The following PTCD2 variants were observed in gnomAD, a reference collection of about 807,000 sequenced individuals.
PTCD2 encodes pentatricopeptide repeat-containing protein 2, mitochondrial.
PTCD2 carries 31 observed loss-of-function variants against 42.6 expected under a neutral mutation model. The observed-to-expected ratio is 0.73, with a 90% CI of 0.55 to 0.98. The LOEUF is 0.98. Among genes scored for constraint, PTCD2 ranks in the 50% least tolerant of loss-of-function variants. The pLI, the probability that PTCD2 is intolerant of heterozygous loss-of-function variation, is 0.00. For missense variants in PTCD2, 476 were observed against 454.8 expected, an observed-to-expected ratio of 1.05 and a Z score of -0.42; for synonymous variants, 183 against 170.9, an observed-to-expected ratio of 1.07 and a Z score of -0.55.
intron 1 of PTCD2, chr5:72,320,796 A>G (rs1405070188): frequency 2.6e-6 from 1 of 384,490 alleles, no homozygotes; most frequent in African/African-American, 2.1e-5. Context: ...GCCTTGGGTG[A>G]CTTTTATTTA....
At position 72,320,421 on chromosome 5, in the gene PTCD2, G is replaced by C. The variant is rs778287718; in HGVS notation, c.39G>C (p.Ser13=). The change falls in exon 1 of 10, where the codon TCG becomes TCC. Residue 13 remains serine, a synonymous_variant. Coordinates refer to ENST00000380639, the MANE Select transcript of PTCD2 (RefSeq NM_024754.5). ...RDSMAAAFRP[S]NRVLLQALQI... ...GTATGGCTGCTGCATTTCGGCCCTCGAATCGAGTTCTCCTGCAGGCGCTGC... is the reference window on the plus strand; with the variant it reads ...GTATGGCTGCTGCATTTCGGCCCTCCAATCGAGTTCTCCTGCAGGCGCTGC... The C allele has an allele frequency of 6.2e-5, 100 of 1,614,016 alleles. No individual in the cohort carries two copies. The highest frequency in any genetic ancestry group is 8.2e-5 in the Non-Finnish European group (97 of 1,180,044).
chr5:72,343,395 A>C (rs1752176010), intron 8 of PTCD2, among the ~76,000 whole-genome samples: 1 of 152,270 alleles, frequency 6.6e-6, no homozygotes, highest in African/African-American at 2.4e-5. Flanking sequence ...AAGCCTTGAG[A>C]GAAACCCATG....
At chr5:72,322,642 A>C (rs918018589) in intron 2 of PTCD2, among the ~76,000 whole-genome samples, 4 of 152,202 alleles carry the variant, frequency 2.6e-5, no homozygotes, top group African/African-American at 4.8e-5. Context: ...AAGTTTAAAA[A>C]CTTCAGATGA....
chr5:72,351,234 A>G (rs977706051), intron 8 of PTCD2, among the ~76,000 whole-genome samples: 11 of 151,962 alleles, frequency 7.2e-5, no homozygotes, highest in African/African-American at 2.7e-4. Flanking sequence ...TTGGGGGGAG[A>G]TGTGTTCTTT....
chr5:72,331,920 T>C (rs1751460085), intron 4 of PTCD2, among the ~76,000 whole-genome samples: 2 of 152,264 alleles, frequency 1.3e-5, no homozygotes, highest in South Asian at 2.1e-4. Flanking sequence ...ATTTTATTTG[T>C]TTCTCACAAT....
rs1750756255 is a variant in PTCD2 at position 72,320,478 on chromosome 5, C to T, written c.96C>T (p.Ser32=). 6.2e-7 allele frequency: 1 copy of T among 1,614,054 alleles called. No homozygotes were observed. Among genetic ancestry groups the T allele is most frequent in the Non-Finnish European group, 8.5e-7 (1 of 1,180,012 alleles). The stretch of plus-strand genomic sequence containing the variant: ...TGGTGTATCCTGGGGTGGGAGGCTC[C>T]GGCTCTGTCAGCTGCCGCTGCCCTC... ...QILVYPGVGG[S]GSVSCRCPLG... The change falls in exon 1 of 10, where the codon TCC becomes TCT. Residue 32 remains serine, a synonymous_variant. Coordinates refer to ENST00000380639, the MANE Select transcript of PTCD2 (RefSeq NM_024754.5).
chr5:72,358,144 A>G, intron 9 of PTCD2, 59 bp from the exon 10 acceptor site: 1 of 1,403,248 alleles, frequency 7.1e-7, no homozygotes, highest in Non-Finnish European at 1.0e-6. Flanking sequence ...TTAGGGTTAT[A>G]GTAAGAATAA....
chr5:72,326,446 G>T (rs978107995), intron 2 of PTCD2, among the ~76,000 whole-genome samples, 166 bp from the exon 3 acceptor site: 3 of 152,196 alleles, frequency 2.0e-5, no homozygotes, highest in African/African-American at 4.8e-5. Context: ...ATCTGCTGAT[G>T]CTGTTCTAGA....
intron 9 of PTCD2, among the ~76,000 whole-genome samples, chr5:72,357,316 A>G (rs895618366): frequency 1.3e-5 from 2 of 152,056 alleles, no homozygotes; most frequent in Non-Finnish European, 2.9e-5. Context: ...CCTTTCCTTC[A>G]CCCATTCAAA....
At chr5:72,342,910 A>G (rs1752147795) in intron 7 of PTCD2, 52 bp from the exon 8 acceptor site, 4 of 1,155,406 alleles carry the variant, frequency 3.5e-6, no homozygotes, top group Admixed American at 2.0e-5. Flanking sequence ...GATCTTTTAC[A>G]ATAACATTAG....
At chr5:72,351,208 T>C (rs539317232) in intron 8 of PTCD2, among the ~76,000 whole-genome samples, 29 of 152,332 alleles carry the variant, frequency 1.9e-4, no homozygotes, top group Admixed American at 5.9e-4. Context: ...TGAATTATAC[T>C]AGTAAATATT....
At chr5:72,341,859 G>T (rs190577719) in intron 7 of PTCD2, among the ~76,000 whole-genome samples, 1 of 151,950 alleles carries the variant, frequency 6.6e-6, no homozygotes, top group East Asian at 1.9e-4. Context: ...TGACTAACAC[G>T]GTAAAACCCT....
chr5:72,331,450 T>C, intron 4 of PTCD2, 75 bp downstream of exon 4: 1 of 1,031,370 alleles, frequency 9.7e-7, no homozygotes, highest in Middle Eastern at 2.0e-4. Context: ...GTCTTCTATG[T>C]ACATTATTCC....
rs377748028 is a variant in PTCD2 at position 72,364,275 on chromosome 5, T to C, written c.*5848T>C. 3.3e-5 allele frequency: 5 copies of C among 152,378 alleles called. No homozygotes were observed. The East Asian group carries it at 9.6e-4, about 29-fold the overall frequency. The allele number at this position is 152,378 out of a possible 1,614,324, so 9.4% of individuals were successfully genotyped here. ...GTCCTCTGTTCCCATGGAGCTTGCA[T>C]TCTGCAAGAGCAACAGACATCAAAA... On this transcript the variant is annotated 3_prime_UTR_variant, in exon 10 of 10. Coordinates refer to ENST00000380639, the MANE Select transcript of PTCD2 (RefSeq NM_024754.5).
At chr5:72,347,736 C>T (rs1364128675) in intron 8 of PTCD2, among the ~76,000 whole-genome samples, 3 of 151,466 alleles carry the variant, frequency 2.0e-5, no homozygotes, top group Non-Finnish European at 2.9e-5. Flanking sequence ...TTTTTTTCCC[C>T]CAAATGAGAA....
In PTCD2 at chr5:72,364,291, G is replaced by A. The variant is rs574256063; in HGVS notation, c.*5864G>A. 1 of 152,322 alleles carries A rather than the reference G, an allele frequency of 6.6e-6. No individual in the cohort carries two copies. Among genetic ancestry groups the A allele is most frequent in the Non-Finnish European group, 1.5e-5 (1 of 68,018 alleles). The allele number at this position is 152,322 out of a possible 1,614,324, so 9.4% of individuals were successfully genotyped here. ...GAGCTTGCATTCTGCAAGAGCAACA[G>A]ACATCAAAAAGATAACTGGGCAAAT... On this transcript the variant is annotated 3_prime_UTR_variant, in exon 10 of 10. Coordinates refer to ENST00000380639, the MANE Select transcript of PTCD2 (RefSeq NM_024754.5).
chr5:72,361,630 C>G lies in PTCD2; in HGVS notation c.*3203C>G, dbSNP rs943175933. On this transcript the variant is annotated 3_prime_UTR_variant, in exon 10 of 10. Coordinates refer to ENST00000380639, the MANE Select transcript of PTCD2 (RefSeq NM_024754.5). The stretch of plus-strand genomic sequence containing the variant: ...TGGTAGGAATTTCAAAGAATAAATT[C>G]TGTGAAACTGTAGTAGATAGTCTGT... 6.6e-6 allele frequency: 1 copy of G among 152,226 alleles called. No individual in the cohort carries two copies. The highest frequency in any genetic ancestry group is 1.5e-5 in the Non-Finnish European group (1 of 68,056). The allele number at this position is 152,226 out of a possible 1,614,324, so 9.4% of individuals were successfully genotyped here.
At chr5:72,350,869 A>G (rs914940768) in intron 8 of PTCD2, among the ~76,000 whole-genome samples, 2 of 152,164 alleles carry the variant, frequency 1.3e-5, no homozygotes, top group East Asian at 1.9e-4. Flanking sequence ...AAATGTCTCT[A>G]TGCTTTGACT....
intron 7 of PTCD2, among the ~76,000 whole-genome samples, chr5:72,340,969 GTT>G (rs11297261): frequency 2.0e-4 from 25 of 127,212 alleles, no homozygotes; most frequent in African/African-American, 1.9e-4. Context: ...TTTCTTTTCT[GTT>G]TTTTTTTTTT....
Sources: allele counts gnomAD v4.1 joint callset (sites outside exome capture counted in the v4.1 genomes callset), GRCh38; gene constraint gnomAD v4.1.1; transcripts MANE v1.5; gene names NCBI Gene and HGNC (gene_info 2026-07-23, HGNC 2026-07-21).